Variants in OR10G4 observed in about 807,000 individuals in gnomAD.
OR10G4 encodes the protein olfactory receptor family 10 subfamily G member 4.
For synonymous variants in OR10G4, 130 were observed against 159.3 expected, an observed-to-expected ratio of 0.82 and a Z score of 1.39; for missense variants, 318 against 388.8, an observed-to-expected ratio of 0.82 and a Z score of 1.53.
rs201667584 is a variant in OR10G4, at chr11:124,016,184, A to C, written c.610A>C (p.Ile204Leu). ...GATGGTCATCTTTGTGGACATTGGG[A>C]TAGTGGCCTCAGGCTGCTTTGTCCT... ...NVMVIFVDIG[I>L]VASGCFVLIV... The change falls in exon 2 of 2, where the codon ATA becomes CTA. Residue 204 changes from isoleucine (I) to leucine (L), a missense_variant. Physicochemically the swap from Ile to Leu is conservative, Grantham distance 5 (BLOSUM62 2). Transcript: ENST00000641722. 112 of 1,614,064 alleles carry C rather than the reference A, an allele frequency of 6.9e-5. No homozygotes were observed. The highest frequency in any genetic ancestry group is 2.2e-4 in the East Asian group (10 of 44,874).
chr11:124,016,946 T>C lies in OR10G4; in HGVS notation c.*436T>C, dbSNP rs1328573999. ...AATATCATTTTTCTAATTGTGGCTG[T>C]TCAAATTTGTTTTTGGTTTTAACGT... On this transcript the variant is annotated 3_prime_UTR_variant, in exon 2 of 2. Transcript: ENST00000641722. 1.3e-5 allele frequency: 2 copies of C among 156,198 alleles called. No individual in the cohort carries two copies. Among genetic ancestry groups the C allele is most frequent in the African/African-American group, 2.4e-5 (1 of 41,498 alleles). The allele number at this position is 156,198 out of a possible 1,614,324, so 9.7% of individuals were successfully genotyped here. A position where few individuals can be genotyped will look rare whatever the true frequency, so the allele number is the denominator to read the frequency against.
chr11:124,015,563 G>T lies in OR10G4; in HGVS notation c.-12G>T. 6.2e-7 allele frequency: 1 copy of T among 1,607,324 alleles called. No homozygotes were observed. The highest frequency in any genetic ancestry group is 8.5e-7 in the Non-Finnish European group (1 of 1,175,636). On this transcript the variant is annotated 5_prime_UTR_variant, in exon 2 of 2. In the 5' UTR this introduces an upstream ATG that the reference lacks. Transcript: ENST00000641722. Reference sequence around the variant, plus strand: ...ATATCCCCAGAGGGAGAGAGACCAAGGGTGAGAAGAAATGTCCAACGCCAG... The same window carrying T: ...ATATCCCCAGAGGGAGAGAGACCAATGGTGAGAAGAAATGTCCAACGCCAG...
At chr11:124,015,418 G>A in intron 1 of OR10G4, 130 bp from the exon 2 acceptor site, 2 of 861,884 alleles carry the variant, frequency 2.3e-6, no homozygotes, top group Non-Finnish European at 3.6e-6. Flanking sequence ...CTCTGTGAGG[G>A]AAGCTTTGTA....
intron 1 of OR10G4, chr11:124,015,313 T>C (rs964018957): frequency 3.8e-5 from 21 of 551,332 alleles, no homozygotes; most frequent in Non-Finnish European, 5.5e-5. Context: ...GGAAATCTAA[T>C]ATAGTGTTTC....
chr11:124,013,865 G>T (rs1300745199), intron 1 of OR10G4, among the ~76,000 whole-genome samples: 1 of 152,148 alleles, frequency 6.6e-6, no homozygotes, highest in Non-Finnish European at 1.5e-5. Context: ...AGACTTGAAA[G>T]AATTGTCTTT....
rs3017764 is a variant in OR10G4 at position 124,016,105 on chromosome 11, C to G, written c.531C>G (p.Phe177Leu). 1,648 of 1,612,688 alleles carry G rather than the reference C, an allele frequency of 1.0e-3. 30 individuals carry two copies. The South Asian group carries it at 0.016, about 16-fold the overall frequency. ...YCGPNQIQHY[F>L]CDAPPILKLA... ...GACCCAACCAGATCCAGCACTACTT[C>G]TGTGACGCACCGCCCATCCTGAAAC... The change falls in exon 2 of 2, where the codon TTC becomes TTG. Residue 177 changes from phenylalanine (F) to leucine (L), a missense_variant. By Grantham distance (22) the Phe-to-Leu change is conservative. Coordinates refer to ENST00000641722, the MANE Select transcript of OR10G4 (RefSeq NM_001004462.2).
At chr11:124,015,478 T>A (rs1414018921) in intron 1 of OR10G4, 70 bp from the exon 2 acceptor site, 2 of 1,411,194 alleles carry the variant, frequency 1.4e-6, no homozygotes, top group African/African-American at 2.9e-5. Flanking sequence ...GTTGATGCAG[T>A]TTCCACATAG....
Position 124,016,402 on chromosome 11 carries a change from T to A in OR10G4, c.828T>A (p.Thr276=), listed in dbSNP as rs1864020992. Residue 276 remains threonine (T), a synonymous_variant, in exon 2 of 2, where the codon ACT becomes ACA. Coordinates refer to ENST00000641722, the MANE Select transcript of OR10G4 (RefSeq NM_001004462.2). ...AMDGVVAIFY[T]VLTPLLNPVV... Reference sequence around the variant, plus strand: ...ATGGAGTTGTGGCCATTTTCTACACTGTGCTGACGCCCCTTCTCAACCCTG... The same window carrying A: ...ATGGAGTTGTGGCCATTTTCTACACAGTGCTGACGCCCCTTCTCAACCCTG... 6.2e-7 allele frequency: 1 copy of A among 1,614,092 alleles called. No homozygotes were observed. Among genetic ancestry groups the A allele is most frequent in the Non-Finnish European group, 8.5e-7 (1 of 1,180,022 alleles).
rs1296718873 is a variant in OR10G4, at chr11:124,018,582, T to G, written c.*2072T>G. The G allele has an allele frequency of 6.6e-6, 1 of 152,208 alleles. No homozygotes were observed. The highest frequency in any genetic ancestry group is 1.5e-5 in the Non-Finnish European group (1 of 68,052). The allele number at this position is 152,208 out of a possible 1,614,324, so 9.4% of individuals were successfully genotyped here. Reference sequence around the variant, plus strand: ...TTCCATGGTGTATATGTGCCACATTTTCTTTATCCAGTCTATCATTGATGG... The same window carrying G: ...TTCCATGGTGTATATGTGCCACATTGTCTTTATCCAGTCTATCATTGATGG... On this transcript the variant is annotated 3_prime_UTR_variant, in exon 2 of 2. Coordinates refer to ENST00000641722, the MANE Select transcript of OR10G4 (RefSeq NM_001004462.2).
Position 124,016,411 on chromosome 11 carries a change from G to A in OR10G4, c.837G>A (p.Thr279=), listed in dbSNP as rs150326783. 4.6e-4 allele frequency: 739 copies of A among 1,614,160 alleles called. 10 individuals carry two copies. In the South Asian group the frequency reaches 6.1e-3, roughly 13 times the overall value. The change falls in exon 2 of 2, where the codon ACG becomes ACA. Residue 279 remains threonine, a synonymous_variant. Transcript: ENST00000641722. ...TGGCCATTTTCTACACTGTGCTGACGCCCCTTCTCAACCCTGTTGTGTACA... is the reference window on the plus strand; with the variant it reads ...TGGCCATTTTCTACACTGTGCTGACACCCCTTCTCAACCCTGTTGTGTACA... ...GVVAIFYTVL[T]PLLNPVVYTL...
intron 1 of OR10G4, among the ~76,000 whole-genome samples, chr11:124,014,654 T>C (rs1394335461): frequency 6.6e-6 from 1 of 152,210 alleles, no homozygotes; most frequent in Non-Finnish European, 1.5e-5. Context: ...AGGTGGGTGA[T>C]GTTAGTGATG....
chr11:124,018,724 G>A lies in OR10G4; in HGVS notation c.*2214G>A, dbSNP rs1003056131. The A allele has an allele frequency of 6.6e-6, 1 of 152,100 alleles. No homozygotes were observed. The highest frequency in any genetic ancestry group is 1.5e-5 in the Non-Finnish European group (1 of 68,020). 9.4% of individuals were successfully genotyped at this position (152,100 alleles called of 1,614,324 possible). A position where few individuals can be genotyped will look rare whatever the true frequency, so the allele number is the denominator to read the frequency against. On this transcript the variant is annotated 3_prime_UTR_variant, in exon 2 of 2. Coordinates refer to ENST00000641722, the MANE Select transcript of OR10G4 (RefSeq NM_001004462.2). The stretch of plus-strand genomic sequence containing the variant: ...TCCTTTGGGTATATACCCAGTAACG[G>A]GATTGCTGGGTCAAATGGTATTTCT...
chr11:124,015,515 G>A, intron 1 of OR10G4, 33 bp from the exon 2 acceptor site: 2 of 1,547,176 alleles, frequency 1.3e-6, no homozygotes, highest in Admixed American at 3.7e-5. Flanking sequence ...TCTCAATTAA[G>A]TGCTAAATGC....
Position 124,015,544 on chromosome 11 carries a change from C to G in OR10G4, c.-27-4C>G. On this transcript the variant is annotated splice_region_variant and splice_polypyrimidine_tract_variant and intron_variant, in intron 1 of 1. Transcript: ENST00000641722. ...TAAATGCTGGGTGCTCTTTATATCC[C>G]CAGAGGGAGAGAGACCAAGGGTGAG... 1 of 1,602,120 alleles carries G rather than the reference C, an allele frequency of 6.2e-7. No individual in the cohort carries two copies. Among genetic ancestry groups the G allele is most frequent in the East Asian group, 2.2e-5 (1 of 44,660 alleles).
At chr11:124,014,198 C>G (rs1022016271) in intron 1 of OR10G4, among the ~76,000 whole-genome samples, 3 of 152,040 alleles carry the variant, frequency 2.0e-5, no homozygotes, top group Non-Finnish European at 2.9e-5. Flanking sequence ...CTTACCTTCT[C>G]TAAGAGACCT....
Position 124,016,890 on chromosome 11 carries a change from C to T in OR10G4, c.*380C>T, listed in dbSNP as rs1179883489. 1.3e-5 allele frequency: 2 copies of T among 158,902 alleles called. No individual in the cohort carries two copies. Among genetic ancestry groups the T allele is most frequent in the Non-Finnish European group, 2.8e-5 (2 of 72,582 alleles). 9.8% of individuals were successfully genotyped at this position (158,902 alleles called of 1,614,324 possible). On this transcript the variant is annotated 3_prime_UTR_variant, in exon 2 of 2. Transcript: ENST00000641722. ...CCATCATGGAGACATAGTTCAAAACCAGCAACAAATATTATTCAAAACCAG... is the reference window on the plus strand; with the variant it reads ...CCATCATGGAGACATAGTTCAAAACTAGCAACAAATATTATTCAAAACCAG...
Position 124,016,688 on chromosome 11 carries a change from T to C in OR10G4, c.*178T>C. ...TTAACCTCACAGCTAGACTTATATT[T>C]ATGATGAACATGATTATATTCTGAA... On this transcript the variant is annotated 3_prime_UTR_variant, in exon 2 of 2. Transcript: ENST00000641722. 1 of 483,228 alleles carries C rather than the reference T, an allele frequency of 2.1e-6. No homozygotes were observed. The highest frequency in any genetic ancestry group is 3.6e-6 in the Non-Finnish European group (1 of 280,850). The allele number at this position is 483,228 out of a possible 1,614,324, so 29.9% of individuals were successfully genotyped here.
At position 124,016,913 on chromosome 11, in the gene OR10G4, C is replaced by T. The variant is rs1023271085; in HGVS notation, c.*403C>T. On this transcript the variant is annotated 3_prime_UTR_variant, in exon 2 of 2. Transcript: ENST00000641722. ...ACCAGCAACAAATATTATTCAAAAC[C>T]AGCAAAAAATATCATTTTTCTAATT... 3.8e-5 allele frequency: 6 copies of T among 156,808 alleles called. No homozygotes were observed. Among genetic ancestry groups the T allele is most frequent in the Admixed American group, 1.3e-4 (2 of 15,932 alleles). The allele number at this position is 156,808 out of a possible 1,614,324, so 9.7% of individuals were successfully genotyped here.
At position 124,018,195 on chromosome 11, in the gene OR10G4, T is replaced by A. The variant is rs1326563457; in HGVS notation, c.*1685T>A. The A allele has an allele frequency of 6.6e-6, 1 of 152,190 alleles. No individual in the cohort carries two copies. The highest frequency in any genetic ancestry group is 1.5e-5 in the Non-Finnish European group (1 of 68,036). The allele number at this position is 152,190 out of a possible 1,614,324, so 9.4% of individuals were successfully genotyped here. A position where few individuals can be genotyped will look rare whatever the true frequency, so the allele number is the denominator to read the frequency against. ...TGGAAAAAAATTAATTAAAATACTT[T>A]TTTAAATTTATTTTTTATTATTATA... On this transcript the variant is annotated 3_prime_UTR_variant, in exon 2 of 2. Transcript: ENST00000641722.
Sources: gnomAD v4.1 joint callset for allele counts (sites outside exome capture counted in the v4.1 genomes callset) on GRCh38, gnomAD v4.1.1 for gene constraint, MANE v1.5 for transcripts, NCBI Gene and HGNC (gene_info 2026-07-23, HGNC 2026-07-21) for gene names.